PRDM10: variants seen among roughly 807,000 people sequenced by gnomAD.
PRDM10 encodes PR/SET domain 10, also known as PR domain zinc finger protein 10.
Under a neutral mutation model 133.1 loss-of-function variants are expected in PRDM10, and 65 were observed. That is an observed-to-expected ratio of 0.49 (90% CI 0.40 to 0.60). PRDM10 has a LOEUF of 0.60. Ranked by LOEUF, PRDM10 falls within the 20% of genes least tolerant of loss-of-function variation. PRDM10 has a pLI of 0.00. For missense variants in PRDM10, 1,137 were observed against 1,507.1 expected, an observed-to-expected ratio of 0.75 and a Z score of 4.07; for synonymous variants, 582 against 580.4, an observed-to-expected ratio of 1.00 and a Z score of -0.04.
chr11:129,980,479 C>T (rs1016681527), intron 1 of PRDM10, among the ~76,000 whole-genome samples: 1 of 152,088 alleles, frequency 6.6e-6, no homozygotes, highest in Non-Finnish European at 1.5e-5. Flanking sequence ...GCCTGATGAT[C>T]TGAGGCATTA....
intron 4 of PRDM10, among the ~76,000 whole-genome samples, chr11:129,948,935 A>G (rs762630018): frequency 6.6e-6 from 1 of 152,130 alleles, no homozygotes; most frequent in Non-Finnish European, 1.5e-5. Context: ...GTGCTATTAA[A>G]CCATTTTTCC....
intron 19 of PRDM10, among the ~76,000 whole-genome samples, chr11:129,909,224 C>T (rs1253320717): frequency 6.6e-6 from 1 of 151,386 alleles, no homozygotes; most frequent in African/African-American, 2.4e-5. Context: ...CTGAAGTGGG[C>T]GGATCACCTG....
Position 129,931,085 on chromosome 11 carries a change from A to C in PRDM10, c.1461T>G (p.His487Gln). The C allele has an allele frequency of 6.2e-7, 1 of 1,614,168 alleles. No homozygotes were observed. The highest frequency in any genetic ancestry group is 8.5e-7 in the Non-Finnish European group (1 of 1,180,028). The change falls in exon 11 of 21, where the codon CAT becomes CAG. Residue 487 changes from histidine (H) to glutamine (Q), a missense_variant. Coordinates refer to ENST00000360871, the MANE Select transcript of PRDM10 (RefSeq NM_199437.2). ...ETHTLHLQPQ[H>Q]EESVVPTQST... The stretch of plus-strand genomic sequence containing the variant: ...TCTGGGTGGGCACCACGCTCTCTTC[A>C]TGCTGCGGCTGCAGGTGCAGGGTGT...
intron 9 of PRDM10, among the ~76,000 whole-genome samples, chr11:129,933,286 C>A (rs12276033): frequency 0.59 from 90,130 of 152,052 alleles, 29,533 homozygotes; most frequent in African/African-American, 0.89. Context: ...AATGTAGAGA[C>A]TAGCACGATG....
At chr11:129,946,115 A>G (rs372068370) in intron 5 of PRDM10, among the ~76,000 whole-genome samples, 136 of 152,006 alleles carry the variant, frequency 8.9e-4, no homozygotes, top group African/African-American at 3.1e-3. Flanking sequence ...GTGGTGGTGC[A>G]CATCTGTAGT....
In PRDM10 at chr11:129,963,148, CA is replaced by C. The variant is rs199907787; in HGVS notation, c.-118-2067del. Among the ~76,000 whole-genome samples, 1,161 of 124,890 alleles carry C rather than the reference CA, an allele frequency of 9.3e-3. 9 individuals are homozygous for C. Among genetic ancestry groups the C allele is most frequent in the African/African-American group, 0.025 (848 of 33,346 alleles). The allele number at this position is 124,890 out of a possible 152,430, so 81.9% of individuals were successfully genotyped here. On this transcript the variant is annotated intron_variant, in intron 1 of 20. Transcript: ENST00000360871. The stretch of plus-strand genomic sequence containing the variant: ...TGGGTCACAGAGTGAGACTCTATCT[CA>C]AAAAAAAAAAAAATGAAAGGAATAA...
At chr11:129,998,132 T>C (rs1001505848) in intron 1 of PRDM10, among the ~76,000 whole-genome samples, 9 of 152,198 alleles carry the variant, frequency 5.9e-5, no homozygotes, top group African/African-American at 1.9e-4. Context: ...ATTCAACATA[T>C]TGTCATTTCA....
chr11:129,910,388 A>C, intron 19 of PRDM10, 88 bp downstream of exon 19: 1 of 1,553,770 alleles, frequency 6.4e-7, no homozygotes, highest in Non-Finnish European at 8.8e-7. Context: ...GAGATACTTT[A>C]AAAATCTATC....
At chr11:129,952,664 G>A (rs1591655498) in intron 4 of PRDM10, among the ~76,000 whole-genome samples, 1 of 151,898 alleles carries the variant, frequency 6.6e-6, no homozygotes, top group East Asian at 1.9e-4. Context: ...TTACAGACAC[G>A]TGCCACCATG....
intron 1 of PRDM10, among the ~76,000 whole-genome samples, chr11:129,993,661 T>C (rs1230142657): frequency 6.6e-6 from 1 of 152,144 alleles, no homozygotes; most frequent in Non-Finnish European, 1.5e-5. Context: ...ACTTTTTGTA[T>C]TTTTAGTAGA....
At chr11:129,915,883 A>G (rs1358319061) in intron 15 of PRDM10, 23 bp from the exon 16 acceptor site, 1 of 1,607,818 alleles carries the variant, frequency 6.2e-7, no homozygotes, top group Non-Finnish European at 8.5e-7. Context: ...GCGCCTTGCC[A>G]TGAAAGCAGT....
At chr11:129,985,794 AAAAAAAAAAAAAAAAATAT>A (rs1158697592) in intron 1 of PRDM10, among the ~76,000 whole-genome samples, 1,479 of 125,978 alleles carry the variant, frequency 0.012, 23 homozygotes, top group East Asian at 0.061. Flanking sequence ...AAAAAAAAAA[AAAAAAAAAAAAAAAAATAT>A]ATATATATAT....
rs2446382 is a variant in PRDM10, at chr11:129,990,992, C to T, written c.-119+11730G>A. Among the ~76,000 whole-genome samples, 139 of 152,264 alleles carry T rather than the reference C, an allele frequency of 9.1e-4. 1 individual carries two copies. In the East Asian group the frequency reaches 0.023, roughly 25 times the overall value. On this transcript the variant is annotated intron_variant, in intron 1 of 20. Transcript: ENST00000360871. ...TCCTCCATCTTAATAAAACCACCAC[C>T]GTAGGACTATGTTCACTGGTCTAGG...
intron 6 of PRDM10, among the ~76,000 whole-genome samples, chr11:129,944,016 A>C (rs2135868117): frequency 6.6e-6 from 1 of 152,132 alleles, no homozygotes; most frequent in Middle Eastern, 3.4e-3. Flanking sequence ...TAAAATACAA[A>C]CATTATAAAT....
chr11:129,911,438 G>A (rs1267829013), intron 18 of PRDM10, among the ~76,000 whole-genome samples: 2 of 152,192 alleles, frequency 1.3e-5, no homozygotes, highest in African/African-American at 2.4e-5. Flanking sequence ...TGAGGCCAGC[G>A]CTCTCCAGCC....
chr11:129,947,455 A>G lies in PRDM10; in HGVS notation c.295-85T>C. ...GTGCCTGCTGGCACAAACAGGGCGC[A>G]AGGGCTGGCTGAAATCTAGTCTTCC... On this transcript the variant is annotated intron_variant, in intron 4 of 20. Coordinates refer to ENST00000360871, the MANE Select transcript of PRDM10 (RefSeq NM_199437.2). The surrounding 1 kb of genome is among the most constrained non-coding windows in gnomAD (Gnocchi z 4.6). 1.3e-6 allele frequency: 2 copies of G among 1,585,054 alleles called. No individual in the cohort carries two copies. The highest frequency in any genetic ancestry group is 1.7e-6 in the Non-Finnish European group (2 of 1,161,102).
At chr11:129,916,726 G>C (rs1190415198) in intron 15 of PRDM10, among the ~76,000 whole-genome samples, 1 of 152,114 alleles carries the variant, frequency 6.6e-6, no homozygotes, top group Admixed American at 6.5e-5. Context: ...AGTACAAGTA[G>C]AGTACTCCAC....
At chr11:129,997,378 G>A (rs1179938792) in intron 1 of PRDM10, among the ~76,000 whole-genome samples, 3 of 149,984 alleles carry the variant, frequency 2.0e-5, no homozygotes, top group African/African-American at 5.1e-5. Flanking sequence ...TACTTGGGAG[G>A]CCGAGGTGGG....
chr11:129,991,812 C>A (rs1938769660), intron 1 of PRDM10, among the ~76,000 whole-genome samples: 1 of 130,712 alleles, frequency 7.7e-6, no homozygotes, highest in Admixed American at 7.9e-5. Flanking sequence ...AGCGAGACTC[C>A]ATCTCAAAAA....
Sources: gnomAD v4.1 joint callset for allele counts (sites outside exome capture counted in the v4.1 genomes callset) on GRCh38, gnomAD v4.1.1 for gene constraint, Gnocchi (gnomAD v3.1) non-coding constraint, MANE v1.5 for transcripts, NCBI Gene and HGNC (gene_info 2026-07-23, HGNC 2026-07-21) for gene names.